The following GSK3B variants were observed in gnomAD, a reference collection of about 807,000 sequenced individuals.
The protein encoded by GSK3B is glycogen synthase kinase-3 beta.
Under a neutral mutation model 56.4 loss-of-function variants are expected in GSK3B, and 15 were observed. The ratio of observed to expected loss-of-function variants is 0.27; its 90% CI spans 0.18 to 0.41. GSK3B has a LOEUF of 0.41. Among genes scored for constraint, GSK3B ranks in the 10% least tolerant of loss-of-function variants. GSK3B has a pLI of 1.00. For synonymous variants in GSK3B, 181 were observed against 188.9 expected (o/e 0.96, Z 0.34); for missense variants, 300 against 513.4 (o/e 0.58, Z 4.02).
At chr3:120,085,151 CAA>C (rs1367117296) in intron 1 of GSK3B, among the ~76,000 whole-genome samples, 1 of 152,114 alleles carries the variant, frequency 6.6e-6, no homozygotes, top group Non-Finnish European at 1.5e-5. Context: ...AAATTTAAAG[CAA>C]AATAGGTAAA....
chr3:120,037,986 G>C (rs2058036265), intron 1 of GSK3B, among the ~76,000 whole-genome samples: 1 of 151,962 alleles, frequency 6.6e-6, no homozygotes, highest in Admixed American at 6.6e-5. Flanking sequence ...ATCTTCCATA[G>C]CTATAACATA....
chr3:119,955,371 A>G (rs1332410851), intron 2 of GSK3B, among the ~76,000 whole-genome samples: 1 of 152,190 alleles, frequency 6.6e-6, no homozygotes, highest in Non-Finnish European at 1.5e-5. Flanking sequence ...CATATTTTGA[A>G]GCCAACTATG....
At chr3:120,007,280 C>G (rs1038771549) in intron 1 of GSK3B, among the ~76,000 whole-genome samples, 7 of 152,036 alleles carry the variant, frequency 4.6e-5, no homozygotes, top group African/African-American at 1.7e-4. Flanking sequence ...AGCCTACCAA[C>G]CAAAAAAAGT....
chr3:120,019,275 A>T (rs9857548), intron 1 of GSK3B, among the ~76,000 whole-genome samples: 2,762 of 152,278 alleles, frequency 0.018, 92 homozygotes, highest in African/African-American at 0.063. Context: ...ATACTGAAAC[A>T]GTTCATATAA....
chr3:120,061,155 A>G (rs1339150496), intron 1 of GSK3B, among the ~76,000 whole-genome samples: 1 of 152,202 alleles, frequency 6.6e-6, no homozygotes, highest in Non-Finnish European at 1.5e-5. Context: ...AACACTTTAA[A>G]TCTCTATTTT....
chr3:120,024,230 G>C (rs1211182031), intron 1 of GSK3B, among the ~76,000 whole-genome samples: 1 of 152,028 alleles, frequency 6.6e-6, no homozygotes, highest in Non-Finnish European at 1.5e-5. Context: ...CAGCTACTTG[G>C]AAGGCTGAGG....
chr3:119,835,332 A>G (rs1265323831), intron 10 of GSK3B, among the ~76,000 whole-genome samples: 1 of 152,234 alleles, frequency 6.6e-6, no homozygotes, highest in Non-Finnish European at 1.5e-5. Context: ...TACTTCTAAA[A>G]ATTTAGAAGA....
At chr3:120,028,630 C>T (rs2057949266) in intron 1 of GSK3B, 2 of 316,166 alleles carry the variant, frequency 6.3e-6, no homozygotes, top group African/African-American at 2.2e-5. Flanking sequence ...AAACATAACT[C>T]CCCCAAATAT....
intron 1 of GSK3B, among the ~76,000 whole-genome samples, chr3:120,042,952 G>A (rs2058075457): frequency 6.6e-6 from 1 of 152,138 alleles, no homozygotes; most frequent in Admixed American, 6.5e-5. Context: ...TCTACAGACT[G>A]CCTTATTTAC....
At chr3:119,989,801 C>G (rs188715487) in intron 2 of GSK3B, among the ~76,000 whole-genome samples, 18 of 152,154 alleles carry the variant, frequency 1.2e-4, no homozygotes, top group Non-Finnish European at 2.6e-4. Flanking sequence ...CCCAATTAAC[C>G]TTTTTCAAAG....
At chr3:120,032,859 CTTCA>C (rs1182924520) in intron 1 of GSK3B, among the ~76,000 whole-genome samples, 1 of 152,190 alleles carries the variant, frequency 6.6e-6, no homozygotes, top group East Asian at 1.9e-4. Context: ...TTTAAACCAG[CTTCA>C]TTAAGTTTTA....
At chr3:119,836,674 C>T (rs907877598) in intron 10 of GSK3B, among the ~76,000 whole-genome samples, 2 of 151,942 alleles carry the variant, frequency 1.3e-5, no homozygotes, top group African/African-American at 2.4e-5. Context: ...TTTTTATAAC[C>T]TCCTCCTATA....
chr3:120,014,013 T>C (rs2057802571), intron 1 of GSK3B, among the ~76,000 whole-genome samples: 1 of 149,722 alleles, frequency 6.7e-6, no homozygotes, highest in African/African-American at 2.5e-5. Context: ...CTACTAAAAG[T>C]ACAAAAAGCT....
In GSK3B at chr3:120,089,012, ATC is replaced by A. The variant is rs568926154; in HGVS notation, c.88+4333_88+4334del. On this transcript the variant is annotated intron_variant, in intron 1 of 10. Coordinates refer to ENST00000264235, the MANE Select transcript of GSK3B (RefSeq NM_001146156.2). ...CTTTAGACTCTGCTGCTGGAATAAA[ATC>A]TCTGACTTTCCCAGCCTTGCTGTTT... Among the ~76,000 whole-genome samples the A allele has an allele frequency of 1.8e-4, 28 of 152,368 alleles. No individual in the cohort carries two copies. The South Asian group carries it at 5.8e-3, about 32-fold the overall frequency.
intron 2 of GSK3B, among the ~76,000 whole-genome samples, chr3:119,963,716 GA>G (rs1386316056): frequency 2.0e-5 from 3 of 148,452 alleles, no homozygotes; most frequent in African/African-American, 7.4e-5. Flanking sequence ...AGAAAATCCA[GA>G]AATAAAGTCA....
At chr3:119,832,264 A>G (rs9826659) in intron 10 of GSK3B, among the ~76,000 whole-genome samples, 35,178 of 152,200 alleles carry the variant, frequency 0.23, 5,073 homozygotes, top group Non-Finnish European at 0.32. Flanking sequence ...CACATATTTG[A>G]TAACCACATG....
intron 3 of GSK3B, among the ~76,000 whole-genome samples, chr3:119,937,373 T>A (rs1315487600): frequency 6.6e-6 from 1 of 152,048 alleles, no homozygotes; most frequent in Non-Finnish European, 1.5e-5. Flanking sequence ...GCCTGACACC[T>A]CTCTGCTATC....
intron 1 of GSK3B, among the ~76,000 whole-genome samples, chr3:120,065,358 C>T (rs561254815): frequency 1.3e-5 from 2 of 152,156 alleles, no homozygotes; most frequent in South Asian, 2.1e-4. Flanking sequence ...GTGGTTTGCA[C>T]CTAAAAAGAT....
At chr3:120,019,986 ACTTT>A (rs1195822847) in intron 1 of GSK3B, among the ~76,000 whole-genome samples, 4 of 152,236 alleles carry the variant, frequency 2.6e-5, no homozygotes, top group Admixed American at 2.0e-4. Flanking sequence ...ATGAAAAAAT[ACTTT>A]CTAAGTTCCA....
Sources: gnomAD v4.1 joint callset for allele counts (sites outside exome capture counted in the v4.1 genomes callset) on GRCh38, gnomAD v4.1.1 for gene constraint, MANE v1.5 for transcripts, NCBI Gene and HGNC (gene_info 2026-07-23, HGNC 2026-07-21) for gene names.